Variants in FYN observed in about 807,000 individuals in gnomAD.
FYN encodes tyrosine-protein kinase Fyn.
A neutral mutation model predicts 70.2 loss-of-function variants in FYN; 10 were observed. That is an observed-to-expected ratio of 0.14 (90% confidence interval 0.09 to 0.24). The LOEUF (loss-of-function observed/expected upper bound fraction) is 0.24, where lower values mean the gene tolerates loss of function less well. Among genes scored for constraint, FYN ranks in the 10% least tolerant of loss-of-function variants. The pLI is 1.00. For missense variants in FYN, 319 were observed against 673.1 expected (o/e 0.47, Z 5.82); for synonymous variants, 236 against 248.6 (o/e 0.95, Z 0.48).
chr6:111,706,896 A>C (rs1277724480), intron 6 of FYN, among the ~76,000 whole-genome samples: 2 of 152,226 alleles, frequency 1.3e-5, no homozygotes, highest in African/African-American at 2.4e-5. Flanking sequence ...AAACACAGTC[A>C]CTAGGAGAAA....
At chr6:111,823,536 T>C (rs1420432917) in intron 2 of FYN, among the ~76,000 whole-genome samples, 1 of 152,174 alleles carries the variant, frequency 6.6e-6, no homozygotes. Context: ...TTATAAAGAA[T>C]GGAAGCTTTT....
chr6:111,698,973 C>A lies in FYN; in HGVS notation c.862+1131G>T, dbSNP rs147329187. 2.0e-5 allele frequency among the ~76,000 whole-genome samples: 3 copies of A among 152,240 alleles called. 1 individual carries two copies. Among genetic ancestry groups the A allele is most frequent in the African/African-American group, 7.2e-5 (3 of 41,540 alleles). On this transcript the variant is annotated intron_variant, in intron 9 of 13. Coordinates refer to ENST00000354650, the MANE Select transcript of FYN (RefSeq NM_002037.5). ...TGGCAGGCACCTGTAATCCCAGCTA[C>A]TCGGGAGGCTGAGGCAGGAGAATCA...
rs142454848 is a variant in FYN at position 111,661,763 on chromosome 6, C to T, written c.1590G>A (p.Gln530=). 6 of 1,614,104 alleles carry T rather than the reference C, an allele frequency of 3.7e-6. No homozygotes were observed. The highest frequency in any genetic ancestry group is 5.1e-6 in the Non-Finnish European group (6 of 1,179,976). Reference sequence around the variant, plus strand: ...CTTACAGGTTTTCACCAGGTTGGTACTGGGGCTCTGTCGCGGTAAAGTAGT... The same window carrying T: ...CTTACAGGTTTTCACCAGGTTGGTATTGGGGCTCTGTCGCGGTAAAGTAGT... ...LEDYFTATEP[Q]YQPGENL Residue 530 remains glutamine, a synonymous_variant, in exon 14 of 14, where the codon CAG becomes CAA. Coordinates refer to ENST00000354650, the MANE Select transcript of FYN (RefSeq NM_002037.5). This position sits in a 1 kb window ranked among gnomAD's most constrained non-coding sequence, Gnocchi z 4.0.
chr6:111,810,345 CA>C (rs1772284583), intron 2 of FYN, among the ~76,000 whole-genome samples: 3 of 152,236 alleles, frequency 2.0e-5, no homozygotes, highest in Middle Eastern at 3.4e-3. Context: ...GAGAGTATCC[CA>C]GGGCCATCCA....
At chr6:111,741,726 C>T (rs1401999853) in intron 3 of FYN, among the ~76,000 whole-genome samples, 2 of 152,172 alleles carry the variant, frequency 1.3e-5, no homozygotes, top group East Asian at 1.9e-4. Flanking sequence ...GAAACTAGTC[C>T]AGTGTATTTT....
chr6:111,692,163 G>C (rs1799359278), intron 12 of FYN, among the ~76,000 whole-genome samples: 2 of 150,228 alleles, frequency 1.3e-5, no homozygotes, highest in South Asian at 4.2e-4. Flanking sequence ...TCTAGTGTTT[G>C]GCATGGATTT....
chr6:111,767,592 G>T (rs1803279587), intron 3 of FYN, among the ~76,000 whole-genome samples: 1 of 152,030 alleles, frequency 6.6e-6, no homozygotes, highest in Admixed American at 6.5e-5. Context: ...AGTAGAGATG[G>T]GGTTTCACCA....
intron 3 of FYN, among the ~76,000 whole-genome samples, chr6:111,722,574 T>C (rs1196900064): frequency 6.6e-6 from 1 of 152,178 alleles, no homozygotes; most frequent in Admixed American, 6.5e-5. Flanking sequence ...CTACTGTAAT[T>C]AGAGAATGTG....
intron 1 of FYN, among the ~76,000 whole-genome samples, chr6:111,868,292 C>G (rs1288086366): frequency 1.3e-5 from 2 of 152,106 alleles, no homozygotes; most frequent in African/African-American, 2.4e-5. Context: ...CTTGAACCAT[C>G]GAATTAATTG....
chr6:111,710,298 CG>C lies in FYN; in HGVS notation c.345-2279del, dbSNP rs1012923838. On this transcript the variant is annotated intron_variant, in intron 5 of 13. Coordinates refer to ENST00000354650, the MANE Select transcript of FYN (RefSeq NM_002037.5). ...GGGTATCTGAGACTGTCAATAGGGGCGGGAAGCCAATACATTTTGCTGCAGG... is the reference window on the plus strand; with the variant it reads ...GGGTATCTGAGACTGTCAATAGGGGCGGAAGCCAATACATTTTGCTGCAGG... Among the ~76,000 whole-genome samples, 21 of 152,152 alleles carry C rather than the reference CG, an allele frequency of 1.4e-4. 1 individual carries two copies. The highest frequency in any genetic ancestry group is 1.3e-3 in the Admixed American group (20 of 15,278).
At chr6:111,801,461 C>T (rs1188289177) in intron 2 of FYN, among the ~76,000 whole-genome samples, 1 of 152,154 alleles carries the variant, frequency 6.6e-6, no homozygotes, top group African/African-American at 2.4e-5. Flanking sequence ...ATTCTTACGA[C>T]ATGTAGTTTA....
chr6:111,770,097 T>A (rs1269036408), intron 3 of FYN, among the ~76,000 whole-genome samples: 4 of 152,174 alleles, frequency 2.6e-5, no homozygotes, highest in Non-Finnish European at 2.9e-5. Flanking sequence ...ACTGCTGTGC[T>A]GCCCAACACC....
chr6:111,832,378 T>C (rs1042887380), intron 2 of FYN, among the ~76,000 whole-genome samples: 2 of 152,240 alleles, frequency 1.3e-5, no homozygotes, highest in African/African-American at 4.8e-5. Flanking sequence ...ATTTGTCTAT[T>C]GACCTTCTAT....
intron 3 of FYN, among the ~76,000 whole-genome samples, chr6:111,733,393 T>G (rs1289694566): frequency 2.0e-5 from 3 of 152,208 alleles, no homozygotes; most frequent in African/African-American, 7.2e-5. Flanking sequence ...TTCTACCTAC[T>G]ACACCATGCT....
intron 2 of FYN, among the ~76,000 whole-genome samples, chr6:111,786,208 C>T (rs762766477): frequency 1.5e-4 from 23 of 152,044 alleles, no homozygotes; most frequent in Non-Finnish European, 2.8e-4. Flanking sequence ...ATCCCTCTCT[C>T]CTCCCCACAA....
chr6:111,791,865 C>T (rs952720500), intron 2 of FYN, among the ~76,000 whole-genome samples: 5 of 152,046 alleles, frequency 3.3e-5, no homozygotes, highest in African/African-American at 4.8e-5. Flanking sequence ...TAACTTCCAC[C>T]GTATACCATG....
intron 2 of FYN, among the ~76,000 whole-genome samples, 173 bp downstream of exon 2, chr6:111,846,416 G>C (rs1773529689): frequency 6.6e-6 from 1 of 152,096 alleles, no homozygotes; most frequent in South Asian, 2.1e-4. Flanking sequence ...AGGAGGTAAG[G>C]TTTTCTTTCT....
At chr6:111,769,558 T>C (rs79395246) in intron 3 of FYN, among the ~76,000 whole-genome samples, 1,792 of 152,286 alleles carry the variant, frequency 0.012, 48 homozygotes, top group African/African-American at 0.041. Flanking sequence ...GGGAGACTAT[T>C]TGACTAGTTG....
chr6:111,678,620 C>G lies in FYN; in HGVS notation c.1274-3990G>C, dbSNP rs866697691. 2.0e-5 allele frequency among the ~76,000 whole-genome samples: 3 copies of G among 152,132 alleles called. No homozygotes were observed. The South Asian group carries it at 6.2e-4, about 32-fold the overall frequency. On this transcript the variant is annotated intron_variant, in intron 12 of 13. Transcript: ENST00000354650. Reference sequence around the variant, plus strand: ...GTCCCTGACTTGCATAACCAATTTCCCTCTCAATTGTCTCTCCATGAAATT... The same window carrying G: ...GTCCCTGACTTGCATAACCAATTTCGCTCTCAATTGTCTCTCCATGAAATT...
Sources: allele counts gnomAD v4.1 joint callset (sites outside exome capture counted in the v4.1 genomes callset), GRCh38; gene constraint gnomAD v4.1.1; non-coding constraint Gnocchi (gnomAD v3.1); transcripts MANE v1.5; gene names NCBI Gene and HGNC (gene_info 2026-07-23, HGNC 2026-07-21).